The following ALK variants were observed in gnomAD, a reference collection of about 807,000 sequenced individuals.
ALK encodes the protein ALK receptor tyrosine kinase.
ALK carries 74 observed loss-of-function variants against 163.1 expected under a neutral mutation model. That is an observed-to-expected ratio of 0.45 (90% CI 0.38 to 0.55). The LOEUF (loss-of-function observed/expected upper bound fraction) is 0.55, where lower values mean the gene tolerates loss of function less well. Among genes scored for constraint, ALK ranks in the 20% least tolerant of loss-of-function variants. The pLI is 0.00. For synonymous variants in ALK, 960 were observed against 843.2 expected (o/e 1.14, Z -2.40); for missense variants, 2,063 against 2,105.3 (o/e 0.98, Z 0.39).
intron 9 of ALK, among the ~76,000 whole-genome samples, chr2:29,283,509 C>T (rs10208218): frequency 0.11 from 17,214 of 152,024 alleles, 1,078 homozygotes; most frequent in African/African-American, 0.16. Flanking sequence ...CTGACAATGG[C>T]GAGAAGACCC....
intron 3 of ALK, among the ~76,000 whole-genome samples, chr2:29,582,759 G>A (rs1421026577): frequency 6.6e-6 from 1 of 152,146 alleles, no homozygotes; most frequent in Non-Finnish European, 1.5e-5. Context: ...TACAGATGCA[G>A]AGAAAGAGAC....
chr2:29,902,838 C>G (rs879074070), intron 1 of ALK, among the ~76,000 whole-genome samples: 1 of 152,124 alleles, frequency 6.6e-6, no homozygotes, highest in Admixed American at 6.5e-5. Flanking sequence ...GTTCTTTGCC[C>G]GAAGACATTT....
intron 3 of ALK, among the ~76,000 whole-genome samples, chr2:29,605,353 G>A (rs540890657): frequency 6.6e-6 from 1 of 152,234 alleles, no homozygotes; most frequent in South Asian, 2.1e-4. Flanking sequence ...AACCAGTATC[G>A]GTCCATGGCC....
intron 3 of ALK, among the ~76,000 whole-genome samples, chr2:29,683,312 G>C (rs1362875548): frequency 6.6e-6 from 1 of 152,126 alleles, no homozygotes; most frequent in Admixed American, 6.5e-5. Flanking sequence ...AGGAGGCAGA[G>C]GTTACAGTGA....
In ALK at chr2:29,810,279, G is replaced by A. The variant is rs186764039; in HGVS notation, c.668-92582C>T. 3.4e-3 allele frequency among the ~76,000 whole-genome samples: 517 copies of A among 152,090 alleles called. 2 individuals carry two copies. Among genetic ancestry groups the A allele is most frequent in the Non-Finnish European group, 4.6e-3 (310 of 67,996 alleles). On this transcript the variant is annotated intron_variant, in intron 1 of 28. Coordinates refer to ENST00000389048, the MANE Select transcript of ALK (RefSeq NM_004304.5). ...TCTACTAAAAATACAAAAATCAGCC[G>A]AGTGTGGTGGTGGTTGCCTGTAATT... is the stretch of plus-strand genomic sequence containing the variant.
At chr2:29,428,101 C>T (rs906996535) in intron 4 of ALK, among the ~76,000 whole-genome samples, 1 of 151,848 alleles carries the variant, frequency 6.6e-6, no homozygotes, top group Non-Finnish European at 1.5e-5. Flanking sequence ...ATGCAACATA[C>T]CAAAACATAT....
chr2:29,820,961 T>TG (rs1466438349), intron 1 of ALK, among the ~76,000 whole-genome samples: 1 of 152,130 alleles, frequency 6.6e-6, no homozygotes, highest in Non-Finnish European at 1.5e-5. Context: ...TCTCAGGGGT[T>TG]GGGGGTAGAG....
chr2:29,498,212 C>A (rs1362365848), intron 4 of ALK, among the ~76,000 whole-genome samples: 1 of 152,018 alleles, frequency 6.6e-6, no homozygotes, highest in Non-Finnish European at 1.5e-5. Context: ...TGATTAATGC[C>A]CAAATATGAC....
At chr2:29,455,952 G>C (rs1460990709) in intron 4 of ALK, among the ~76,000 whole-genome samples, 2 of 152,186 alleles carry the variant, frequency 1.3e-5, no homozygotes, top group Non-Finnish European at 2.9e-5. Context: ...ACAGCCATAA[G>C]TTTGAGGCCA....
chr2:29,529,097 G>A (rs1673045068), intron 4 of ALK, among the ~76,000 whole-genome samples: 1 of 152,158 alleles, frequency 6.6e-6, no homozygotes, highest in Non-Finnish European at 1.5e-5. Flanking sequence ...CCTGCCTTCT[G>A]CCTCCGGGTG....
chr2:29,521,679 A>G (rs183965988), intron 4 of ALK, among the ~76,000 whole-genome samples: 2 of 152,332 alleles, frequency 1.3e-5, no homozygotes, highest in East Asian at 1.9e-4. Flanking sequence ...CTGGGCATGA[A>G]TGCAGAGGGG....
At chr2:29,510,041 T>A (rs1672466896) in intron 4 of ALK, among the ~76,000 whole-genome samples, 1 of 152,152 alleles carries the variant, frequency 6.6e-6, no homozygotes, top group African/African-American at 2.4e-5. Flanking sequence ...TGACACTGGG[T>A]TTGGGCCAAG....
At chr2:29,435,497 T>G (rs1482395614) in intron 4 of ALK, among the ~76,000 whole-genome samples, 3 of 152,256 alleles carry the variant, frequency 2.0e-5, no homozygotes, top group Middle Eastern at 3.4e-3. Flanking sequence ...GGTGCTTTCA[T>G]ATCCACGTTC....
intron 9 of ALK, among the ~76,000 whole-genome samples, chr2:29,281,249 C>T (rs1333435184): frequency 1.3e-5 from 2 of 152,190 alleles, no homozygotes; most frequent in African/African-American, 4.8e-5. Flanking sequence ...TCCTAGAGAA[C>T]ATAGTTACTC....
At chr2:29,197,398 G>A (rs755547914) in intron 27 of ALK, 144 bp downstream of exon 27, 46 of 1,213,754 alleles carry the variant, frequency 3.8e-5, no homozygotes, top group Admixed American at 4.9e-5. Flanking sequence ...CACTGAAGTC[G>A]CAGTCACATT....
chr2:29,873,713 C>T (rs1392463635), intron 1 of ALK, among the ~76,000 whole-genome samples: 2 of 152,034 alleles, frequency 1.3e-5, no homozygotes, highest in Non-Finnish European at 2.9e-5. Flanking sequence ...GTGGCCTCTT[C>T]CTGGGCAAAG....
At chr2:29,850,646 G>C (rs1228186150) in intron 1 of ALK, among the ~76,000 whole-genome samples, 2 of 152,168 alleles carry the variant, frequency 1.3e-5, no homozygotes, top group Admixed American at 1.3e-4. Context: ...GGTCAAGATA[G>C]TCTGGGGTCT....
At chr2:29,776,227 A>T (rs1443775477) in intron 1 of ALK, among the ~76,000 whole-genome samples, 382 of 4,204 alleles carry the variant, frequency 0.091, no homozygotes, top group Admixed American at 0.17. Flanking sequence ...AATTTTGTTA[A>T]AAAAAAAAAA....
intron 1 of ALK, among the ~76,000 whole-genome samples, chr2:29,736,494 T>G (rs1172062811): frequency 1.3e-5 from 2 of 152,056 alleles, no homozygotes; most frequent in Non-Finnish European, 2.9e-5. Flanking sequence ...AACTTATATT[T>G]TAGTACATTA....
Sources: allele counts gnomAD v4.1 joint callset (sites outside exome capture counted in the v4.1 genomes callset), GRCh38; gene constraint gnomAD v4.1.1; transcripts MANE v1.5; gene names NCBI Gene and HGNC (gene_info 2026-07-23, HGNC 2026-07-21).